The following LRCH1 variants were observed in gnomAD, a reference collection of about 807,000 sequenced individuals.
LRCH1 encodes the protein leucine rich repeats and calponin homology domain containing 1.
A neutral mutation model predicts 94.9 loss-of-function variants in LRCH1; 23 were observed. The ratio of observed to expected loss-of-function variants is 0.24; its 90% confidence interval spans 0.17 to 0.34. The LOEUF (loss-of-function observed/expected upper bound fraction) is 0.34, where lower values mean the gene tolerates loss of function less well. Ranked by LOEUF, LRCH1 falls within the 10% of genes least tolerant of loss-of-function variation. The pLI, the probability that LRCH1 is intolerant of heterozygous loss-of-function variation, is 1.00. For synonymous variants in LRCH1, 364 were observed against 354.9 expected, an observed-to-expected ratio of 1.03 and a Z score of -0.29; for missense variants, 790 against 945.9, an observed-to-expected ratio of 0.84 and a Z score of 2.16.
At chr13:46,556,277 A>G (rs577349962) in intron 1 of LRCH1, among the ~76,000 whole-genome samples, 52 of 152,220 alleles carry the variant, frequency 3.4e-4, no homozygotes, top group Non-Finnish European at 6.5e-4. Context: ...CCTGGGCAAT[A>G]TAGCCCATCT....
At chr13:46,575,313 T>G (rs2050291179) in intron 1 of LRCH1, among the ~76,000 whole-genome samples, 1 of 152,114 alleles carries the variant, frequency 6.6e-6, no homozygotes, top group Non-Finnish European at 1.5e-5. Context: ...GAAGATAGTC[T>G]ATCGTATGAC....
At chr13:46,693,043 C>T (rs930911548) in intron 8 of LRCH1, among the ~76,000 whole-genome samples, 16 of 148,596 alleles carry the variant, frequency 1.1e-4, no homozygotes, top group Non-Finnish European at 2.4e-4. Flanking sequence ...GTGATCTTGG[C>T]TCACCGCAAC....
chr13:46,684,103 T>G (rs1263541588), intron 4 of LRCH1, among the ~76,000 whole-genome samples: 1 of 152,202 alleles, frequency 6.6e-6, no homozygotes, highest in Admixed American at 6.5e-5. Flanking sequence ...ACAACTGCAA[T>G]AAGAAGACCA....
intron 16 of LRCH1, among the ~76,000 whole-genome samples, chr13:46,720,647 C>A (rs1023027469): frequency 1.3e-5 from 2 of 151,996 alleles, no homozygotes; most frequent in South Asian, 4.1e-4. Context: ...CAGAATAATT[C>A]TTTTGTAGAT....
chr13:46,667,906 G>C (rs1390016658), intron 2 of LRCH1, among the ~76,000 whole-genome samples: 3 of 152,146 alleles, frequency 2.0e-5, no homozygotes, highest in African/African-American at 7.2e-5. Flanking sequence ...CATTCTGTCT[G>C]TCTCTCCCCC....
At chr13:46,700,579 T>G (rs1871410215) in intron 10 of LRCH1, among the ~76,000 whole-genome samples, 1 of 152,240 alleles carries the variant, frequency 6.6e-6, no homozygotes, top group Admixed American at 6.5e-5. Flanking sequence ...TAGAGCTTTA[T>G]AAAATGCTGA....
At chr13:46,643,874 C>T (rs1277137530) in intron 1 of LRCH1, among the ~76,000 whole-genome samples, 1 of 152,196 alleles carries the variant, frequency 6.6e-6, no homozygotes, top group Non-Finnish European at 1.5e-5. Context: ...TTAAGCCCAT[C>T]AGCTGACCTA....
At position 46,692,398 on chromosome 13, in the gene LRCH1, A is replaced by T. The variant is rs945517872; in HGVS notation, c.1015-138A>T. The T allele has an allele frequency of 4.9e-6, 3 of 609,536 alleles. No individual in the cohort carries two copies. In the East Asian group the frequency reaches 8.5e-5, roughly 17 times the overall value. 37.8% of individuals were successfully genotyped at this position (609,536 alleles called of 1,614,324 possible). Reference sequence around the variant, plus strand: ...CATTTTTTGAACTTACATAAGTGGAATTGACCTTTGTATCTGGCAACTTAT... The same window carrying T: ...CATTTTTTGAACTTACATAAGTGGATTTGACCTTTGTATCTGGCAACTTAT... On this transcript the variant is annotated intron_variant, in intron 7 of 19. Coordinates refer to ENST00000389797, the MANE Select transcript of LRCH1 (RefSeq NM_001164211.2).
At chr13:46,728,192 C>T (rs1283611620) in intron 17 of LRCH1, among the ~76,000 whole-genome samples, 1 of 152,010 alleles carries the variant, frequency 6.6e-6, no homozygotes, top group Non-Finnish European at 1.5e-5. Flanking sequence ...GTTGGGGTTA[C>T]AGGTGTGAGC....
In LRCH1 at chr13:46,577,310, C is replaced by G. The variant is rs940496208; in HGVS notation, c.307+23607C>G. On this transcript the variant is annotated intron_variant, in intron 1 of 19. Transcript: ENST00000389797. ...ATGGGATTTCACCATGTTGGCCAGGCTGGTCTCGAACTCCTGACCTCAAGT... is the reference window on the plus strand; with the variant it reads ...ATGGGATTTCACCATGTTGGCCAGGGTGGTCTCGAACTCCTGACCTCAAGT... Among the ~76,000 whole-genome samples, 13 of 152,248 alleles carry G rather than the reference C, an allele frequency of 8.5e-5. No homozygotes were observed. The East Asian group carries it at 9.7e-4, about 11-fold the overall frequency.
chr13:46,573,866 A>ATATATT, intron 1 of LRCH1, among the ~76,000 whole-genome samples: 15 of 63,388 alleles, frequency 2.4e-4, no homozygotes, highest in African/African-American at 6.7e-4. Flanking sequence ...ATATATATAT[A>ATATATT]TTTTTTTTTT....
At chr13:46,711,665 A>G in intron 13 of LRCH1, 126 bp from the exon 14 acceptor site, 1 of 614,438 alleles carries the variant, frequency 1.6e-6, no homozygotes, top group Non-Finnish European at 2.9e-6. Context: ...CTAACTAATT[A>G]ATTCAACAGA....
intron 1 of LRCH1, among the ~76,000 whole-genome samples, chr13:46,606,751 T>C (rs1313451654): frequency 6.6e-6 from 1 of 152,136 alleles, no homozygotes; most frequent in Non-Finnish European, 1.5e-5. Context: ...TTTGTATTTT[T>C]AGTAGAGATG....
At chr13:46,630,483 G>T (rs2051005238) in intron 1 of LRCH1, among the ~76,000 whole-genome samples, 1 of 152,200 alleles carries the variant, frequency 6.6e-6, no homozygotes, top group Non-Finnish European at 1.5e-5. Context: ...ATCTAAAGAT[G>T]TATGTCTTTC....
At chr13:46,695,186 G>A (rs932873778) in intron 9 of LRCH1, among the ~76,000 whole-genome samples, 169 bp downstream of exon 9, 1 of 152,158 alleles carries the variant, frequency 6.6e-6, no homozygotes, top group African/African-American at 2.4e-5. Context: ...GCTGATGTGA[G>A]GAGCTGGTCC....
chr13:46,718,374 C>CT (rs1230037446), intron 16 of LRCH1, among the ~76,000 whole-genome samples: 1 of 152,154 alleles, frequency 6.6e-6, no homozygotes, highest in Non-Finnish European at 1.5e-5. Context: ...AATGAAGAAA[C>CT]TGAGGATATA....
downstream of LRCH1, among the ~76,000 whole-genome samples, chr13:46,748,145 A>G (rs1401948324): frequency 2.0e-5 from 3 of 152,096 alleles, no homozygotes; most frequent in African/African-American, 2.4e-5. Flanking sequence ...ATATTTAGGT[A>G]ATCAGTTGCT....
intron 2 of LRCH1, among the ~76,000 whole-genome samples, chr13:46,655,971 A>G (rs2051365078): frequency 6.6e-6 from 1 of 152,198 alleles, no homozygotes; most frequent in Non-Finnish European, 1.5e-5. Context: ...ATTGCCTGTA[A>G]AGAACAGGGC....
At chr13:46,560,579 A>G (rs967217141) in intron 1 of LRCH1, among the ~76,000 whole-genome samples, 1 of 152,210 alleles carries the variant, frequency 6.6e-6, no homozygotes, top group African/African-American at 2.4e-5. Flanking sequence ...CACAAAACCC[A>G]ACTATTTTTC....
Sources: allele counts gnomAD v4.1 joint callset (sites outside exome capture counted in the v4.1 genomes callset), GRCh38; gene constraint gnomAD v4.1.1; transcripts MANE v1.5; gene names NCBI Gene and HGNC (gene_info 2026-07-23, HGNC 2026-07-21).